Variants in RALY observed in about 807,000 individuals in gnomAD.
RALY encodes the protein RALY heterogeneous nuclear ribonucleoprotein.
In RALY, 15 loss-of-function variants were observed where a neutral mutation model predicts 30.7. That is an observed-to-expected ratio of 0.49 (90% CI 0.33 to 0.75). The LOEUF (loss-of-function observed/expected upper bound fraction) is 0.75. Ranked by LOEUF, RALY falls within the 30% of genes least tolerant of loss-of-function variation. The probability of loss-of-function intolerance (pLI) is 0.02; values close to 1 mark genes in which losing one functional copy is unlikely to be tolerated. For synonymous variants in RALY, 177 were observed against 170.8 expected, an observed-to-expected ratio of 1.04 and a Z score of -0.28; for missense variants, 339 against 414.3, an observed-to-expected ratio of 0.82 and a Z score of 1.58.
intron 1 of RALY, among the ~76,000 whole-genome samples, chr20:34,027,784 GA>G (rs1288620955): frequency 6.6e-6 from 1 of 152,218 alleles, no homozygotes; most frequent in Non-Finnish European, 1.5e-5. Flanking sequence ...CAGCTTACAA[GA>G]AGAACCATAA....
intron 2 of RALY, among the ~76,000 whole-genome samples, chr20:34,035,445 A>G (rs1196214018): frequency 2.0e-5 from 3 of 152,112 alleles, no homozygotes; most frequent in Non-Finnish European, 2.9e-5. Flanking sequence ...AAATTACTTG[A>G]GAGTTAGAGA....
intron 2 of RALY, among the ~76,000 whole-genome samples, chr20:34,055,967 G>A (rs955743461): frequency 2.8e-4 from 43 of 152,246 alleles, no homozygotes; most frequent in African/African-American, 9.4e-4. Context: ...GGCACAAGAT[G>A]GGATGCTCTG....
intron 1 of RALY, 23 bp downstream of exon 1, chr20:33,994,154 T>C (rs2030459398): frequency 6.6e-6 from 1 of 152,260 alleles, no homozygotes; most frequent in Non-Finnish European, 1.5e-5. Context: ...TGCGGGCGTC[T>C]CCTTAGGGGT....
At chr20:33,999,722 G>C (rs2030821476) in intron 1 of RALY, among the ~76,000 whole-genome samples, 1 of 152,150 alleles carries the variant, frequency 6.6e-6, no homozygotes, top group African/African-American at 2.4e-5. Flanking sequence ...CAGTAGCTTG[G>C]ATACAGCGGT....
intron 2 of RALY, among the ~76,000 whole-genome samples, chr20:34,049,767 A>G (rs1232646009): frequency 2.0e-5 from 3 of 152,236 alleles, no homozygotes; most frequent in African/African-American, 4.8e-5. Flanking sequence ...AGAGAGGTTG[A>G]GGCTTGTTCA....
intron 1 of RALY, among the ~76,000 whole-genome samples, chr20:34,005,590 A>C (rs1364070262): frequency 3.3e-5 from 5 of 152,140 alleles, no homozygotes; most frequent in Non-Finnish European, 1.5e-5. Context: ...CTGTGTTGAG[A>C]TATCATACTT....
At chr20:34,012,722 G>C (rs888281147) in intron 1 of RALY, among the ~76,000 whole-genome samples, 2 of 152,184 alleles carry the variant, frequency 1.3e-5, no homozygotes, top group African/African-American at 2.4e-5. Flanking sequence ...CCCACCCCAA[G>C]TCATAAAGGA....
chr20:34,026,439 G>T (rs1419177376), intron 1 of RALY, among the ~76,000 whole-genome samples: 1 of 151,454 alleles, frequency 6.6e-6, no homozygotes, highest in African/African-American at 2.4e-5. Flanking sequence ...GTCTCGCTCT[G>T]TCGCCCATGC....
chr20:34,049,419 C>T (rs1361667115), intron 2 of RALY, among the ~76,000 whole-genome samples: 1 of 151,876 alleles, frequency 6.6e-6, no homozygotes, highest in Admixed American at 6.6e-5. Context: ...GTATGTAGTC[C>T]CCTCCCTCAG....
chr20:34,010,851 A>G (rs185651855), intron 1 of RALY, among the ~76,000 whole-genome samples: 2 of 152,266 alleles, frequency 1.3e-5, no homozygotes, highest in East Asian at 3.9e-4. Flanking sequence ...TTTGTGGAAT[A>G]AACTCTGGAT....
rs139231784 is a variant in RALY, at chr20:34,006,631, AT to A, written c.-93+12510del. On this transcript the variant is annotated intron_variant, in intron 1 of 9. Transcript: ENST00000246194. ...AGTGGTCTAATATGATTGTAATACCATTTTTTTTTTACTGTACCCATTGTAT... is the reference window on the plus strand; with the variant it reads ...AGTGGTCTAATATGATTGTAATACCATTTTTTTTTACTGTACCCATTGTAT... Among the ~76,000 whole-genome samples the A allele has an allele frequency of 8.0e-5, 12 of 149,080 alleles. No homozygotes were observed. The East Asian group carries it at 9.8e-4, about 12-fold the overall frequency.
chr20:34,031,270 G>A lies in RALY; in HGVS notation c.-92-252G>A, dbSNP rs553399391. On this transcript the variant is annotated intron_variant, in intron 1 of 9. Coordinates refer to ENST00000246194, the MANE Select transcript of RALY (RefSeq NM_016732.3). ...GAGACAGGGTTTCACCATGTTGGCCGGGCTCGTCTTGAACTCCTGACTTCA... is the reference window on the plus strand; with the variant it reads ...GAGACAGGGTTTCACCATGTTGGCCAGGCTCGTCTTGAACTCCTGACTTCA... 5.6e-4 allele frequency among the ~76,000 whole-genome samples: 83 copies of A among 148,124 alleles called. 1 individual carries two copies. The highest frequency in any genetic ancestry group is 2.0e-3 in the African/African-American group (78 of 39,922).
chr20:34,014,732 G>C (rs897991360), intron 1 of RALY, among the ~76,000 whole-genome samples: 2 of 152,090 alleles, frequency 1.3e-5, no homozygotes, highest in Non-Finnish European at 2.9e-5. Context: ...TTTGAGAAGG[G>C]TTTCTTAGAA....
chr20:34,023,999 T>C (rs1373762769), intron 1 of RALY, among the ~76,000 whole-genome samples: 1 of 151,840 alleles, frequency 6.6e-6, no homozygotes, highest in Non-Finnish European at 1.5e-5. Flanking sequence ...TTATCAGGAG[T>C]TCGAGACCAG....
At position 34,064,868 on chromosome 20, in the gene RALY, G is replaced by A. The variant is rs574799116; in HGVS notation, c.-9-7198G>A. Reference sequence around the variant, plus strand: ...ATTCTGGGAGGTTGGTATAATTTCCGTTTTGCAGTTGAGGACTCTGAGGCC... The same window carrying A: ...ATTCTGGGAGGTTGGTATAATTTCCATTTTGCAGTTGAGGACTCTGAGGCC... On this transcript the variant is annotated intron_variant, in intron 2 of 9. Coordinates refer to ENST00000246194, the MANE Select transcript of RALY (RefSeq NM_016732.3). 7.2e-5 allele frequency among the ~76,000 whole-genome samples: 11 copies of A among 152,248 alleles called. No homozygotes were observed. In the South Asian group the frequency reaches 1.7e-3, roughly 23 times the overall value.
intron 1 of RALY, among the ~76,000 whole-genome samples, chr20:33,997,432 A>G (rs2030693020): frequency 6.6e-6 from 1 of 152,074 alleles, no homozygotes; most frequent in African/African-American, 2.4e-5. Context: ...CCCTTAAAAT[A>G]GAACCGAGAT....
intron 2 of RALY, among the ~76,000 whole-genome samples, chr20:34,043,809 G>A (rs1349905255): frequency 6.6e-6 from 1 of 152,124 alleles, no homozygotes; most frequent in Non-Finnish European, 1.5e-5. Context: ...ATAAGGAGTA[G>A]CCAAACACAT....
At chr20:34,013,386 C>G (rs2031486298) in intron 1 of RALY, among the ~76,000 whole-genome samples, 1 of 136,166 alleles carries the variant, frequency 7.3e-6, no homozygotes, top group Non-Finnish European at 1.5e-5. Context: ...TATACTCCAG[C>G]TTAGGCATCA....
At chr20:34,025,795 T>C (rs2032001993) in intron 1 of RALY, among the ~76,000 whole-genome samples, 1 of 152,038 alleles carries the variant, frequency 6.6e-6, no homozygotes, top group South Asian at 2.1e-4. Flanking sequence ...GACCGTTTGC[T>C]TGATTCCCCA....
Sources: allele counts gnomAD v4.1 joint callset (sites outside exome capture counted in the v4.1 genomes callset), GRCh38; gene constraint gnomAD v4.1.1; transcripts MANE v1.5; gene names NCBI Gene and HGNC (gene_info 2026-07-23, HGNC 2026-07-21).